Variants in KMO observed in about 807,000 individuals in gnomAD.
KMO encodes the protein kynurenine 3-hydroxylase.
A neutral mutation model predicts 57.8 loss-of-function variants in KMO; 24 were observed. That is an observed-to-expected ratio of 0.42 (90% CI 0.30 to 0.58). The LOEUF is 0.58. KMO is among the 20% of genes least tolerant of loss of function. The pLI, the probability that KMO is intolerant of heterozygous loss-of-function variation, is 0.22. For missense variants in KMO, 483 were observed against 588.2 expected, an observed-to-expected ratio of 0.82 and a Z score of 1.85; for synonymous variants, 210 against 193.6, an observed-to-expected ratio of 1.08 and a Z score of -0.70.
intron 1 of KMO, among the ~76,000 whole-genome samples, chr1:241,543,571 A>C (rs1279129678): frequency 6.6e-6 from 1 of 152,188 alleles, no homozygotes; most frequent in Non-Finnish European, 1.5e-5. Flanking sequence ...GAAAGGCACT[A>C]CACTGAACAA....
At position 241,595,630 on chromosome 1, in the gene KMO, T is replaced by C. The variant is rs2147993804; in HGVS notation, c.*3477T>C. ...GATTAGGAAATACCAATTAAAAATATAATAAATAGCTACATTGATTTCTGT... is the reference window on the plus strand; with the variant it reads ...GATTAGGAAATACCAATTAAAAATACAATAAATAGCTACATTGATTTCTGT... On this transcript the variant is annotated 3_prime_UTR_variant, in exon 15 of 15. Coordinates refer to ENST00000366559, the MANE Select transcript of KMO (RefSeq NM_003679.5). The C allele has an allele frequency of 6.6e-6, 1 of 152,342 alleles. No homozygotes were observed. Among genetic ancestry groups the C allele is most frequent in the South Asian group, 2.1e-4 (1 of 4,830 alleles). The allele number at this position is 152,342 out of a possible 1,614,324, so 9.4% of individuals were successfully genotyped here. A position where few individuals can be genotyped will look rare whatever the true frequency, so the allele number is the denominator to read the frequency against.
At chr1:241,573,805 C>T (rs556545400) in intron 10 of KMO, among the ~76,000 whole-genome samples, 32 of 151,938 alleles carry the variant, frequency 2.1e-4, no homozygotes, top group African/African-American at 7.0e-4. Flanking sequence ...CTGTGAAAAG[C>T]GATGTTGGTA....
chr1:241,547,183 T>A (rs1661181332), intron 1 of KMO, among the ~76,000 whole-genome samples: 1 of 152,168 alleles, frequency 6.6e-6, no homozygotes, highest in Non-Finnish European at 1.5e-5. Flanking sequence ...TTCTTCATGA[T>A]CTCAGAATAG....
chr1:241,558,228 C>A (rs1232091593), intron 5 of KMO, among the ~76,000 whole-genome samples: 2 of 152,330 alleles, frequency 1.3e-5, no homozygotes, highest in South Asian at 4.1e-4. Flanking sequence ...AAGGTACAAT[C>A]TTGGTGTACA....
intron 1 of KMO, among the ~76,000 whole-genome samples, chr1:241,544,780 G>A (rs1286396316): frequency 6.6e-6 from 1 of 151,922 alleles, no homozygotes; most frequent in Non-Finnish European, 1.5e-5. Flanking sequence ...TGAGTAAGTA[G>A]GATAAAATTA....
intron 10 of KMO, among the ~76,000 whole-genome samples, chr1:241,578,801 A>G (rs1180196431): frequency 6.6e-6 from 1 of 152,148 alleles, no homozygotes; most frequent in Non-Finnish European, 1.5e-5. Context: ...TGGGTAATTT[A>G]TAAAGAAAGA....
chr1:241,537,957 G>A (rs1660806914), intron 1 of KMO, among the ~76,000 whole-genome samples: 1 of 152,126 alleles, frequency 6.6e-6, no homozygotes, highest in Admixed American at 6.6e-5. Context: ...GTAAAGAGAA[G>A]ATTTTATTCA....
rs771962826 is a variant in KMO, at chr1:241,590,160, G to A, written c.1201-44G>A. Reference sequence around the variant, plus strand: ...TTTCCTCATTTTGATTTTCTGTTTAGCTGTTAAAGAATACACAAGAATACT... The same window carrying A: ...TTTCCTCATTTTGATTTTCTGTTTAACTGTTAAAGAATACACAAGAATACT... On this transcript the variant is annotated intron_variant, in intron 13 of 14. Transcript: ENST00000366559. 19 of 1,608,512 alleles carry A rather than the reference G, an allele frequency of 1.2e-5. No individual in the cohort carries two copies. The South Asian group carries it at 2.1e-4, about 18-fold the overall frequency.
At chr1:241,588,114 G>A (rs1336989346) in intron 11 of KMO, among the ~76,000 whole-genome samples, 6 of 151,766 alleles carry the variant, frequency 4.0e-5, no homozygotes, top group African/African-American at 9.7e-5. Flanking sequence ...TAAAGCCTCC[G>A]TTCTTTTTCA....
At chr1:241,560,580 C>T in intron 5 of KMO, 85 bp from the exon 6 acceptor site, 1 of 980,858 alleles carries the variant, frequency 1.0e-6, no homozygotes, top group South Asian at 1.3e-5. Context: ...ATACTGTTCC[C>T]AGAAAACAAT....
intron 2 of KMO, among the ~76,000 whole-genome samples, chr1:241,549,198 A>AAAGGAAGGAAGGAAGGAAGG (rs200533831): frequency 3.3e-5 from 4 of 119,618 alleles, no homozygotes; most frequent in South Asian, 2.9e-4. Flanking sequence ...GAGAGAAAGA[A>AAAGGAAGGAAGGAAGGAAGG]AAGGAAGAAA....
chr1:241,567,538 C>T (rs545711068), intron 9 of KMO, among the ~76,000 whole-genome samples: 3 of 152,154 alleles, frequency 2.0e-5, no homozygotes, highest in African/African-American at 4.8e-5. Flanking sequence ...GTTAGGGGAG[C>T]ATAAACATTC....
At chr1:241,579,807 C>G (rs919426500) in intron 10 of KMO, among the ~76,000 whole-genome samples, 1 of 152,114 alleles carries the variant, frequency 6.6e-6, no homozygotes, top group Non-Finnish European at 1.5e-5. Flanking sequence ...CAACCCTGCT[C>G]GAGATTATAT....
At chr1:241,537,250 T>C (rs1660784365) in intron 1 of KMO, among the ~76,000 whole-genome samples, 1 of 152,204 alleles carries the variant, frequency 6.6e-6, no homozygotes, top group Admixed American at 6.5e-5. Flanking sequence ...TCTAGCTTTG[T>C]TCTCAACCTA....
At chr1:241,572,536 T>A (rs1043026672) in intron 10 of KMO, among the ~76,000 whole-genome samples, 2 of 152,062 alleles carry the variant, frequency 1.3e-5, no homozygotes, top group African/African-American at 4.8e-5. Context: ...GTTTCATTGA[T>A]CTTTTGTATT....
intron 11 of KMO, among the ~76,000 whole-genome samples, 157 bp from the exon 12 acceptor site, chr1:241,588,591 T>C (rs1362281662): frequency 2.0e-5 from 3 of 148,152 alleles, no homozygotes; most frequent in African/African-American, 7.3e-5. Flanking sequence ...CTGTGTATTG[T>C]CAATAGTCAT....
At chr1:241,541,600 C>G (rs1660961213) in intron 1 of KMO, among the ~76,000 whole-genome samples, 1 of 152,174 alleles carries the variant, frequency 6.6e-6, no homozygotes, top group Non-Finnish European at 1.5e-5. Context: ...GAGGGAAAAT[C>G]AAGACCACTG....
At position 241,592,241 on chromosome 1, in the gene KMO, A is replaced by G. The variant is rs1663336148; in HGVS notation, c.*88A>G. The G allele has an allele frequency of 2.2e-6, 2 of 914,130 alleles. No homozygotes were observed. The highest frequency in any genetic ancestry group is 2.1e-5 in the Admixed American group (1 of 48,630). 56.6% of individuals were successfully genotyped at this position (914,130 alleles called of 1,614,324 possible). ...ATGTTTCCATTGCCATATTTGATTC[A>G]CTAGTGGAAGATAGTGTTCTGCTTA... On this transcript the variant is annotated 3_prime_UTR_variant, in exon 15 of 15. Transcript: ENST00000366559.
At chr1:241,589,575 G>T (rs559858771) in intron 12 of KMO, among the ~76,000 whole-genome samples, 2 of 152,128 alleles carry the variant, frequency 1.3e-5, no homozygotes, top group Non-Finnish European at 2.9e-5. Flanking sequence ...TTAAAAACGG[G>T]ATGGCTACGA....
Sources: allele counts gnomAD v4.1 joint callset (sites outside exome capture counted in the v4.1 genomes callset), GRCh38; gene constraint gnomAD v4.1.1; transcripts MANE v1.5; gene names NCBI Gene and HGNC (gene_info 2026-07-23, HGNC 2026-07-21).